The following PCDHGB7 variants were observed in gnomAD, a reference collection of about 807,000 sequenced individuals.
PCDHGB7 encodes the protein protocadherin gamma subfamily B, 7, also known as protocadherin gamma-B7.
Under a neutral mutation model 61.4 loss-of-function variants are expected in PCDHGB7, and 37 were observed. That is an observed-to-expected ratio of 0.60 (90% CI 0.46 to 0.79). The LOEUF is 0.79. Among genes scored for constraint, PCDHGB7 ranks in the 30% least tolerant of loss-of-function variants. The pLI, the probability that PCDHGB7 is intolerant of heterozygous loss-of-function variation, is 0.00. For missense variants in PCDHGB7, 1,166 were observed against 1,202.5 expected (o/e 0.97, Z 0.45); for synonymous variants, 464 against 503.5 (o/e 0.92, Z 1.05).
chr5:141,494,820 AC>A lies in PCDHGB7; in HGVS notation c.2430del (p.Asn810LysfsTer39). 6.2e-7 allele frequency: 1 copy of A among 1,613,988 alleles called. No homozygotes were observed. The highest frequency in any genetic ancestry group is 2.2e-5 in the East Asian group (1 of 44,874). On this transcript the variant is annotated frameshift_variant, in exon 2 of 4. Coordinates refer to ENST00000398594, the MANE Select transcript of PCDHGB7 (RefSeq NM_018927.4). LOFTEE classifies it high-confidence loss of function. ...TTTTCTCCACAGCAAGCCCCGCCCA[AC>A]ACGGACTGGCGTTTCTCTCAGGCCC... ...KKILKQQAPP[N>X]TDWRFSQAQR...
chr5:141,425,845 GT>G (rs2096898477), intron 1 of PCDHGB7, among the ~76,000 whole-genome samples: 1 of 152,126 alleles, frequency 6.6e-6, no homozygotes, highest in Non-Finnish European at 1.5e-5. Context: ...TCTTTGCTGG[GT>G]TAATGACTGT....
intron 1 of PCDHGB7, chr5:141,428,207 T>G (rs1213295979): frequency 7.6e-7 from 1 of 1,308,340 alleles, no homozygotes; most frequent in African/African-American, 1.4e-5. Context: ...GCCGCTACGC[T>G]TCACCTAGTC....
At chr5:141,464,470 C>T (rs1175806879) in intron 1 of PCDHGB7, among the ~76,000 whole-genome samples, 3 of 151,194 alleles carry the variant, frequency 2.0e-5, no homozygotes, top group Non-Finnish European at 2.9e-5. Flanking sequence ...GAAGTATGTA[C>T]GTATAATAAA....
Position 141,431,151 on chromosome 5 carries a change from C to A in PCDHGB7, c.2415+10877C>A, listed in dbSNP as rs764416448. On this transcript the variant is annotated intron_variant, in intron 1 of 3. Transcript: ENST00000398594. This position sits in a 1 kb window ranked among gnomAD's most constrained non-coding sequence, Gnocchi z 4.8. Reference sequence around the variant, plus strand: ...GTAAGGGACATTAACGACAATGCGCCTTACTTTCGTGAAAGTGAATTAGAA... The same window carrying A: ...GTAAGGGACATTAACGACAATGCGCATTACTTTCGTGAAAGTGAATTAGAA... 7.4e-6 allele frequency: 12 copies of A among 1,614,126 alleles called. No individual in the cohort carries two copies. Among genetic ancestry groups the A allele is most frequent in the Middle Eastern group, 1.6e-4 (1 of 6,084 alleles).
chr5:141,490,589 A>G lies in PCDHGB7; in HGVS notation c.2416-4218A>G, dbSNP rs761250654. On this transcript the variant is annotated intron_variant, in intron 1 of 3. Transcript: ENST00000398594. The surrounding 1 kb of genome is among the most constrained non-coding windows in gnomAD (Gnocchi z 5.4). ...CTCAACATTTCAGATGTCAATGACA[A>G]TGCACCCCGCTTCAACCAGCAGCTT... The G allele has an allele frequency of 5.7e-5, 92 of 1,614,042 alleles. No individual in the cohort carries two copies. Among genetic ancestry groups the G allele is most frequent in the Non-Finnish European group, 7.6e-5 (90 of 1,180,036 alleles).
intron 2 of PCDHGB7, among the ~76,000 whole-genome samples, chr5:141,496,769 C>T (rs1434587849): frequency 2.0e-5 from 3 of 152,064 alleles, no homozygotes; most frequent in African/African-American, 7.3e-5. Flanking sequence ...CGAGCATCTA[C>T]TATGAGCAGG....
At chr5:141,420,634 G>A (rs891111955) in intron 1 of PCDHGB7, among the ~76,000 whole-genome samples, 2 of 152,080 alleles carry the variant, frequency 1.3e-5, no homozygotes, top group African/African-American at 4.8e-5. Context: ...CTCAATAAAG[G>A]AACCTTGTAA....
rs151119016 is a variant in PCDHGB7, at chr5:141,489,949, G to C, written c.2416-4858G>C. On this transcript the variant is annotated intron_variant, in intron 1 of 3. Transcript: ENST00000398594. The surrounding 1 kb of genome is among the most constrained non-coding windows in gnomAD (Gnocchi z 4.5). ...CTCTGTCATCGTGCTGGACATCAAT[G>C]ATAATGCTCCAACCTTCCAATCCTC... is the stretch of plus-strand genomic sequence containing the variant. 1 of 1,614,198 alleles carries C rather than the reference G, an allele frequency of 6.2e-7. No individual in the cohort carries two copies. Among genetic ancestry groups the C allele is most frequent in the Non-Finnish European group, 8.5e-7 (1 of 1,180,028 alleles).
rs762414791 is a variant in PCDHGB7 at position 141,418,601 on chromosome 5, A to G, written c.742A>G (p.Arg248Gly). The G allele has an allele frequency of 3.5e-5, 57 of 1,613,930 alleles. No individual in the cohort carries two copies. The highest frequency in any genetic ancestry group is 1.7e-6 in the Non-Finnish European group (2 of 1,179,902). Residue 248 changes from arginine to glycine, a missense_variant, in exon 1 of 4, where the codon AGG becomes GGG. Coordinates refer to ENST00000398594, the MANE Select transcript of PCDHGB7 (RefSeq NM_018927.4). ...CCCAGTGTTCAGCCAGGACGTGTAC[A>G]GGGTTAGCCTTCGGGAAGACGTGCC... Reference protein sequence around the residue: ...NPPVFSQDVYRVSLREDVPPG... With the variant: ...NPPVFSQDVYGVSLREDVPPG...
intron 3 of PCDHGB7, among the ~76,000 whole-genome samples, chr5:141,506,877 G>A (rs998146154): frequency 1.3e-5 from 2 of 152,142 alleles, no homozygotes; most frequent in Non-Finnish European, 2.9e-5. Flanking sequence ...AGAGAACCAG[G>A]TGAAATCACA....
chr5:141,433,623 G>A (rs2097635547), intron 1 of PCDHGB7, among the ~76,000 whole-genome samples: 1 of 152,070 alleles, frequency 6.6e-6, no homozygotes, highest in African/African-American at 2.4e-5. Flanking sequence ...ATCACCTGAG[G>A]TTGGGAGTTT....
At chr5:141,433,397 A>G (rs189987785) in intron 1 of PCDHGB7, among the ~76,000 whole-genome samples, 270 of 150,524 alleles carry the variant, frequency 1.8e-3, no homozygotes, top group Non-Finnish European at 3.1e-3. Context: ...CTATCTATCT[A>G]TCTATCTATT....
At chr5:141,480,956 C>G (rs2099528870) in intron 1 of PCDHGB7, among the ~76,000 whole-genome samples, 1 of 152,064 alleles carries the variant, frequency 6.6e-6, no homozygotes, top group South Asian at 2.1e-4. Flanking sequence ...GAGGCGGAAG[C>G]ATCAGTGAGG....
intron 1 of PCDHGB7, among the ~76,000 whole-genome samples, chr5:141,488,571 A>G (rs2099677106): frequency 6.6e-6 from 1 of 152,194 alleles, no homozygotes; most frequent in East Asian, 1.9e-4. Flanking sequence ...TCCGCAAAGC[A>G]TTGCTGGAGA....
intron 2 of PCDHGB7, among the ~76,000 whole-genome samples, chr5:141,497,706 A>G (rs2099778850): frequency 6.6e-6 from 1 of 151,956 alleles, no homozygotes; most frequent in Middle Eastern, 3.2e-3. Flanking sequence ...CACCCAGCTC[A>G]TTTTTGTATT....
intron 1 of PCDHGB7, among the ~76,000 whole-genome samples, chr5:141,457,698 G>C (rs1008393847): frequency 7.9e-5 from 12 of 152,234 alleles, no homozygotes; most frequent in Admixed American, 5.2e-4. Flanking sequence ...GATTGGCTTT[G>C]ATGAAACACT....
chr5:141,469,731 C>T (rs1332201791), intron 1 of PCDHGB7, among the ~76,000 whole-genome samples: 1 of 152,214 alleles, frequency 6.6e-6, no homozygotes, highest in Non-Finnish European at 1.5e-5. Context: ...ATCATAAATA[C>T]ACACCTCAAA....
In PCDHGB7 at chr5:141,476,348, G is replaced by T. The variant is rs764669470; in HGVS notation, c.2416-18459G>T. On this transcript the variant is annotated intron_variant, in intron 1 of 3. Transcript: ENST00000398594. This position sits in a 1 kb window ranked among gnomAD's most constrained non-coding sequence, Gnocchi z 7.6. ...GTCTGGAGCTAGCCGAAGATTCTTTGAGGTGAACCGGGAGACCGGAGAGAT... is the reference window on the plus strand; with the variant it reads ...GTCTGGAGCTAGCCGAAGATTCTTTTAGGTGAACCGGGAGACCGGAGAGAT... 1 of 1,614,190 alleles carries T rather than the reference G, an allele frequency of 6.2e-7. No individual in the cohort carries two copies. The highest frequency in any genetic ancestry group is 8.5e-7 in the Non-Finnish European group (1 of 1,180,032).
At position 141,418,260 on chromosome 5, in the gene PCDHGB7, G is replaced by C. The variant is rs144490159; in HGVS notation, c.401G>C (p.Arg134Pro). Residue 134 changes from arginine to proline, a missense_variant, in exon 1 of 4, where the codon CGG (arginine) becomes CCG (proline). Arg to Pro is a moderately radical substitution (Grantham distance 103). Transcript: ENST00000398594. ...EDVNDHAPQFRKDEINLEISE... is the reference protein window; with the variant it reads ...EDVNDHAPQFPKDEINLEISE... Reference sequence around the variant, plus strand: ...GTTAATGACCACGCCCCTCAATTCCGGAAAGATGAAATAAACTTAGAAATC... The same window carrying C: ...GTTAATGACCACGCCCCTCAATTCCCGAAAGATGAAATAAACTTAGAAATC... 2.5e-6 allele frequency: 4 copies of C among 1,613,888 alleles called. No individual in the cohort carries two copies. Among genetic ancestry groups the C allele is most frequent in the South Asian group, 1.1e-5 (1 of 91,088 alleles).
Sources: gnomAD v4.1 joint callset for allele counts (sites outside exome capture counted in the v4.1 genomes callset) on GRCh38, gnomAD v4.1.1 for gene constraint, Gnocchi (gnomAD v3.1) non-coding constraint, MANE v1.5 for transcripts, NCBI Gene and HGNC (gene_info 2026-07-23, HGNC 2026-07-21) for gene names.